The following DAB1 variants were observed in gnomAD, a reference collection of about 807,000 sequenced individuals.
DAB1 encodes the protein DAB adaptor protein 1, also known as disabled homolog 1.
A neutral mutation model predicts 64.6 loss-of-function variants in DAB1; 15 were observed. The observed-to-expected ratio is 0.23, with a 90% CI of 0.16 to 0.36. DAB1 has a LOEUF of 0.36. DAB1 is among the 10% of genes least tolerant of loss of function. DAB1 has a pLI of 1.00. For missense variants in DAB1, 596 were observed against 706.7 expected (o/e 0.84, Z 1.78); for synonymous variants, 235 against 251.9 (o/e 0.93, Z 0.64).
intron 1 of DAB1, among the ~76,000 whole-genome samples, chr1:57,319,816 C>T (rs1367292052): frequency 6.6e-6 from 1 of 151,992 alleles, no homozygotes; most frequent in African/African-American, 2.4e-5. Context: ...AAAATAACCT[C>T]GATCAAAGAA....
downstream of DAB1, among the ~76,000 whole-genome samples, chr1:57,821,563 A>T (rs1652122557): frequency 6.6e-6 from 1 of 152,252 alleles, no homozygotes; most frequent in Non-Finnish European, 1.5e-5. Flanking sequence ...ACCCAAAGGA[A>T]CAGATTCCTT....
chr1:58,291,741 G>A (rs182123304), intron 4 of DAB1, among the ~76,000 whole-genome samples: 9 of 152,236 alleles, frequency 5.9e-5, no homozygotes, highest in Admixed American at 5.2e-4. Flanking sequence ...GGAACCTGGC[G>A]GGGGGAGACA....
intron 1 of DAB1, among the ~76,000 whole-genome samples, chr1:57,420,380 T>C (rs1684806532): frequency 6.6e-6 from 1 of 152,216 alleles, no homozygotes; most frequent in Non-Finnish European, 1.5e-5. Flanking sequence ...CAAATCTTCC[T>C]GTGCCCCAGT....
intron 6 of DAB1, among the ~76,000 whole-genome samples, chr1:57,771,274 A>G (rs17116283): frequency 0.032 from 4,914 of 152,266 alleles, 281 homozygotes; most frequent in African/African-American, 0.11. Flanking sequence ...TTTGTAATTC[A>G]TAAAAGCTAC....
At chr1:57,894,268 CTCT>C (rs1644360253) in intron 5 of DAB1, among the ~76,000 whole-genome samples, 1 of 152,206 alleles carries the variant, frequency 6.6e-6, no homozygotes, top group Non-Finnish European at 1.5e-5. Context: ...TTGTCTCTGT[CTCT>C]TCTTCGGCTT....
chr1:58,126,574 T>C (rs1281802312), intron 5 of DAB1, among the ~76,000 whole-genome samples: 1 of 151,808 alleles, frequency 6.6e-6, no homozygotes, highest in Non-Finnish European at 1.5e-5. Context: ...TCATCTAGCA[T>C]TAGGTATATC....
rs556053422 is a variant in DAB1, at chr1:57,951,576, A to G, written n.388-67414T>C. On this transcript the variant is annotated intron_variant and non_coding_transcript_variant, in intron 5 of 20. Transcript: ENST00000485760. ...AGAATATGGCACTTCCTAGCAGCAG[A>G]GCTTTGGGAAAGTGACGTCACAGAG... Among the ~76,000 whole-genome samples, 78 of 152,024 alleles carry G rather than the reference A, an allele frequency of 5.1e-4. No individual in the cohort carries two copies. The South Asian group carries it at 0.015, about 29-fold the overall frequency.
intron 4 of DAB1, among the ~76,000 whole-genome samples, chr1:57,119,507 T>G (rs1037244495): frequency 6.6e-6 from 1 of 152,174 alleles, no homozygotes; most frequent in Admixed American, 6.5e-5. Context: ...GTACTTTATA[T>G]TTGTCACATG....
chr1:57,727,946 G>C (rs1375088734), intron 6 of DAB1, among the ~76,000 whole-genome samples: 2 of 152,174 alleles, frequency 1.3e-5, no homozygotes, highest in African/African-American at 4.8e-5. Context: ...GGGTGGAGGA[G>C]GGTGTCAGAC....
chr1:57,124,354 T>G (rs565011588), intron 4 of DAB1, among the ~76,000 whole-genome samples: 1 of 152,188 alleles, frequency 6.6e-6, no homozygotes, highest in African/African-American at 2.4e-5. Context: ...AAATATATCA[T>G]ACAGCACAGT....
At chr1:58,360,999 G>C (rs1459980198) in intron 3 of DAB1, among the ~76,000 whole-genome samples, 1 of 152,128 alleles carries the variant, frequency 6.6e-6, no homozygotes, top group African/African-American at 2.4e-5. Flanking sequence ...TTTGCAACAT[G>C]ATATTTTACA....
chr1:57,225,436 G>C (rs1667188716), intron 2 of DAB1, among the ~76,000 whole-genome samples: 2 of 152,020 alleles, frequency 1.3e-5, no homozygotes, highest in African/African-American at 4.8e-5. Flanking sequence ...CTGAAGAATT[G>C]GTACTGAAAT....
intron 1 of DAB1, among the ~76,000 whole-genome samples, chr1:57,307,845 C>G (rs903152238): frequency 2.0e-5 from 3 of 152,082 alleles, no homozygotes; most frequent in Non-Finnish European, 4.4e-5. Flanking sequence ...CTAGACCACA[C>G]CTCCTAGACC....
rs574358182 is a variant in DAB1, at chr1:58,533,147, A to C, written n.33-5812T>G. 5.3e-5 allele frequency among the ~76,000 whole-genome samples: 8 copies of C among 152,328 alleles called. No homozygotes were observed. The South Asian group carries it at 1.7e-3, about 32-fold the overall frequency. On this transcript the variant is annotated intron_variant and non_coding_transcript_variant, in intron 1 of 20. Coordinates refer to the DAB1 transcript ENST00000485760. ...ACAATTTAAAAAATGTGTGAAACAGATGTGTTATTTTTCCTGGACTTATAT... is the reference window on the plus strand; with the variant it reads ...ACAATTTAAAAAATGTGTGAAACAGCTGTGTTATTTTTCCTGGACTTATAT...
At chr1:57,343,757 G>C (rs1677856468) in intron 1 of DAB1, among the ~76,000 whole-genome samples, 1 of 152,216 alleles carries the variant, frequency 6.6e-6, no homozygotes, top group African/African-American at 2.4e-5. Context: ...CGCAAGCACG[G>C]TGTGCAGCCC....
At chr1:58,013,900 T>C (rs1413206647) in intron 5 of DAB1, among the ~76,000 whole-genome samples, 1 of 151,700 alleles carries the variant, frequency 6.6e-6, no homozygotes, top group East Asian at 1.9e-4. Flanking sequence ...TTTCTTTTTT[T>C]TTTTTTTCTT....
upstream of DAB1, among the ~76,000 whole-genome samples, chr1:57,888,415 A>C (rs537196764): frequency 2.6e-4 from 40 of 152,316 alleles, no homozygotes; most frequent in South Asian, 7.9e-3. Flanking sequence ...TGTATTTCCC[A>C]GGGCACCTTC....
intron 5 of DAB1, among the ~76,000 whole-genome samples, chr1:57,967,600 G>A (rs776718616): frequency 2.0e-5 from 3 of 152,182 alleles, no homozygotes; most frequent in Non-Finnish European, 4.4e-5. Context: ...GATTCAGACA[G>A]AGCAGTGTGG....
At chr1:58,502,587 C>T (rs1476852817) in intron 3 of DAB1, among the ~76,000 whole-genome samples, 2 of 152,312 alleles carry the variant, frequency 1.3e-5, no homozygotes, top group African/African-American at 2.4e-5. Context: ...ATAACATACT[C>T]ACTAGAGCAT....
Sources: gnomAD v4.1 joint callset for allele counts (sites outside exome capture counted in the v4.1 genomes callset) on GRCh38, gnomAD v4.1.1 for gene constraint, MANE v1.5 for transcripts, NCBI Gene and HGNC (gene_info 2026-07-23, HGNC 2026-07-21) for gene names.